DCLK3: variants seen among roughly 807,000 people sequenced by gnomAD.
DCLK3 encodes the protein doublecortin like kinase 3.
Under a neutral mutation model 46.4 loss-of-function variants are expected in DCLK3, and 30 were observed. The observed-to-expected ratio is 0.65, with a 90% CI of 0.48 to 0.88. The LOEUF (loss-of-function observed/expected upper bound fraction) is 0.88. DCLK3 is among the 40% of genes least tolerant of loss of function. The pLI is 0.00. For missense variants in DCLK3, 846 were observed against 907.1 expected (o/e 0.93, Z 0.87); for synonymous variants, 401 against 339.2 (o/e 1.18, Z -2.00).
intron 1 of DCLK3, among the ~76,000 whole-genome samples, chr3:36,746,655 A>G (rs1380991562): frequency 2.0e-5 from 3 of 152,188 alleles, no homozygotes; most frequent in African/African-American, 7.2e-5. Context: ...ATTGGGTTAT[A>G]CCCTACAGAC....
intron 2 of DCLK3, among the ~76,000 whole-genome samples, chr3:36,725,642 T>G (rs1203565332): frequency 6.6e-6 from 1 of 152,034 alleles, no homozygotes; most frequent in Non-Finnish European, 1.5e-5. Flanking sequence ...AGAATGGGAG[T>G]GACAGTTTCC....
At chr3:36,728,499 T>C (rs1701152185) in intron 2 of DCLK3, among the ~76,000 whole-genome samples, 2 of 152,004 alleles carry the variant, frequency 1.3e-5, no homozygotes. Context: ...AGAACGAAAG[T>C]AGGGAAAAGG....
intron 1 of DCLK3, among the ~76,000 whole-genome samples, chr3:36,757,314 A>G (rs1391231695): frequency 3.3e-5 from 5 of 152,106 alleles, no homozygotes; most frequent in African/African-American, 1.2e-4. Context: ...TTCCTCAAAG[A>G]ATTTTCAGTA....
intron 1 of DCLK3, among the ~76,000 whole-genome samples, chr3:36,753,143 C>T (rs1701457846): frequency 6.6e-6 from 1 of 152,152 alleles, no homozygotes; most frequent in Non-Finnish European, 1.5e-5. Flanking sequence ...AAACACAATG[C>T]CAACCTCCAG....
At chr3:36,728,568 C>T (rs1394537789) in intron 2 of DCLK3, among the ~76,000 whole-genome samples, 1 of 152,106 alleles carries the variant, frequency 6.6e-6, no homozygotes, top group Non-Finnish European at 1.5e-5. Context: ...CCTCCTGGGA[C>T]ATCAGAACTG....
rs368283858 is a variant in DCLK3, at chr3:36,737,645, C to G, written c.1522G>C (p.Gly508Arg). The change falls in exon 2 of 5, where the codon GGT (glycine) becomes CGT (arginine). Residue 508 changes from glycine to arginine, a missense_variant. Gly to Arg is a moderately radical substitution (Grantham distance 125). Coordinates refer to ENST00000636136, the MANE Select transcript of DCLK3 (RefSeq NM_001394672.2). The surrounding 1 kb of genome is among the most constrained non-coding windows in gnomAD (Gnocchi z 4.4). ...PEENKPERPSGRKPRPMGIIA... is the reference protein window; with the variant it reads ...PEENKPERPSRRKPRPMGIIA... ...ATGCCCATGGGCCGTGGCTTCCGAC[C>G]GCTGGGCCGCTCTGGCTTGTTCTCT... 1.9e-6 allele frequency: 3 copies of G among 1,613,930 alleles called. No homozygotes were observed. Among genetic ancestry groups the G allele is most frequent in the Non-Finnish European group, 2.5e-6 (3 of 1,179,914 alleles).
chr3:36,747,793 C>T (rs781770143), intron 1 of DCLK3, among the ~76,000 whole-genome samples: 12 of 152,296 alleles, frequency 7.9e-5, no homozygotes, highest in South Asian at 4.1e-4. Flanking sequence ...ATCCCCTTTA[C>T]GACCCAAAGT....
In DCLK3 at chr3:36,761,424, C is replaced by T. The variant is rs567188797; in HGVS notation, c.82+2758G>A. Among the ~76,000 whole-genome samples the T allele has an allele frequency of 3.9e-5, 6 of 152,310 alleles. No homozygotes were observed. In the South Asian group the frequency reaches 1.2e-3, roughly 32 times the overall value. On this transcript the variant is annotated intron_variant, in intron 1 of 4. Coordinates refer to ENST00000636136, the MANE Select transcript of DCLK3 (RefSeq NM_001394672.2). ...TCTGAGGATGGAGCCAAACTCCCCTCCCCAATTCCCAGTACAGATGTCTTC... is the reference window on the plus strand; with the variant it reads ...TCTGAGGATGGAGCCAAACTCCCCTTCCCAATTCCCAGTACAGATGTCTTC...
chr3:36,734,551 G>C (rs1701236997), intron 2 of DCLK3, among the ~76,000 whole-genome samples: 1 of 151,928 alleles, frequency 6.6e-6, no homozygotes, highest in Non-Finnish European at 1.5e-5. Context: ...ACATATATAT[G>C]TATGTATACA....
chr3:36,764,246 T>G lies in DCLK3; in HGVS notation c.18A>C (p.Pro6=). The change falls in exon 1 of 5, where the codon CCA becomes CCC. Residue 6 remains proline, a synonymous_variant. Transcript: ENST00000636136. This position sits in a 1 kb window ranked among gnomAD's most constrained non-coding sequence, Gnocchi z 4.9. The part of the protein sequence containing the change: MPAAT[P]APQPPPPPAR... The stretch of plus-strand genomic sequence containing the variant: ...CCGGGGGCGGCGGCGGCTGCGGGGC[T>G]GGAGTGGCGGCGGGCATGGCGCGGC... 1 of 292,468 alleles carries G rather than the reference T, an allele frequency of 3.4e-6. No homozygotes were observed. The highest frequency in any genetic ancestry group is 6.3e-6 in the Non-Finnish European group (1 of 159,262). The allele number at this position is 292,468 out of a possible 1,614,324, so 18.1% of individuals were successfully genotyped here.
intron 2 of DCLK3, among the ~76,000 whole-genome samples, chr3:36,728,889 T>C (rs1000141950): frequency 1.3e-5 from 2 of 152,168 alleles, no homozygotes; most frequent in Non-Finnish European, 2.9e-5. Context: ...CACTCATCCC[T>C]ATTCCAAGTG....
At chr3:36,730,130 C>T (rs1701181075) in intron 2 of DCLK3, among the ~76,000 whole-genome samples, 1 of 151,800 alleles carries the variant, frequency 6.6e-6, no homozygotes. Flanking sequence ...GAGATCACAC[C>T]ACTGCACCCA....
At chr3:36,728,145 C>T (rs530819044) in intron 2 of DCLK3, among the ~76,000 whole-genome samples, 50 of 152,294 alleles carry the variant, frequency 3.3e-4, no homozygotes, top group African/African-American at 1.2e-3. Context: ...GGAGATTCAC[C>T]CCTATGTTGA....
In DCLK3 at chr3:36,731,133, C is replaced by T. The variant is rs373824833; in HGVS notation, c.1959+6075G>A. Among the ~76,000 whole-genome samples, 10 of 152,326 alleles carry T rather than the reference C, an allele frequency of 6.6e-5. No homozygotes were observed. The South Asian group carries it at 2.1e-3, about 32-fold the overall frequency. Reference sequence around the variant, plus strand: ...ATGCACTGTCTTTTTAACCCAGTGTCTGGTCAGAGGTGGCCAGCCCAGCTG... The same window carrying T: ...ATGCACTGTCTTTTTAACCCAGTGTTTGGTCAGAGGTGGCCAGCCCAGCTG... On this transcript the variant is annotated intron_variant, in intron 2 of 4. Transcript: ENST00000636136.
intron 4 of DCLK3, 63 bp from the exon 5 acceptor site, chr3:36,715,584 A>G (rs1700968712): frequency 2.0e-6 from 3 of 1,492,180 alleles, no homozygotes; most frequent in Non-Finnish European, 1.8e-6. Context: ...TTTCTTCCCC[A>G]CACATGAAAT....
chr3:36,763,418 C>T (rs1346996450), intron 1 of DCLK3, among the ~76,000 whole-genome samples: 3 of 152,226 alleles, frequency 2.0e-5, no homozygotes, highest in Admixed American at 6.5e-5. Context: ...CCACACCTCG[C>T]CCCCAGGGCC....
intron 2 of DCLK3, among the ~76,000 whole-genome samples, chr3:36,726,662 A>G (rs746496789): frequency 6.2e-4 from 95 of 152,268 alleles, no homozygotes; most frequent in Admixed American, 1.9e-3. Context: ...TTACATCTCC[A>G]TAAGCAGCAT....
Position 36,715,338 on chromosome 3 carries a change from T to G in DCLK3, c.2444A>C (p.Gln815Pro), listed in dbSNP as rs1323931546. 1 of 1,614,188 alleles carries G rather than the reference T, an allele frequency of 6.2e-7. No individual in the cohort carries two copies. The highest frequency in any genetic ancestry group is 1.7e-5 in the Admixed American group (1 of 60,026). The change falls in exon 5 of 5, where the codon CAG becomes CCG. Residue 815 changes from glutamine (Q) to proline (P), a missense_variant. By Grantham distance (76) the Gln-to-Pro change is moderately conservative. Transcript: ENST00000636136. ...TTCCCAAGGTGGTGACTATGATACC[T>G]GCTCCACAACCCTCTTGTGCTGGCT... ...FRSQHKRVVE[Q>P]VS
intron 1 of DCLK3, among the ~76,000 whole-genome samples, chr3:36,742,289 G>T (rs1198428395): frequency 2.0e-5 from 3 of 152,160 alleles, no homozygotes; most frequent in Non-Finnish European, 4.4e-5. Context: ...GGAGAAGAGG[G>T]GATGTGTTCT....
Sources: allele counts gnomAD v4.1 joint callset (sites outside exome capture counted in the v4.1 genomes callset), GRCh38; gene constraint gnomAD v4.1.1; non-coding constraint Gnocchi (gnomAD v3.1); transcripts MANE v1.5; gene names NCBI Gene and HGNC (gene_info 2026-07-23, HGNC 2026-07-21).